The following SOAT1 variants were observed in gnomAD, a reference collection of about 807,000 sequenced individuals.
SOAT1 encodes the protein sterol O-acyltransferase 1.
Under a neutral mutation model 69.5 loss-of-function variants are expected in SOAT1, and 55 were observed. The observed-to-expected ratio is 0.79, with a 90% CI of 0.64 to 0.99. SOAT1 has a LOEUF of 0.99. Ranked by LOEUF, SOAT1 falls within the 50% of genes least tolerant of loss-of-function variation. SOAT1 has a pLI of 0.00. For synonymous variants in SOAT1, 231 were observed against 224.7 expected (o/e 1.03, Z -0.25); for missense variants, 580 against 669.3 (o/e 0.87, Z 1.47).
chr1:179,320,250 T>G (rs1665548341), intron 2 of SOAT1, among the ~76,000 whole-genome samples: 1 of 152,178 alleles, frequency 6.6e-6, no homozygotes, highest in South Asian at 2.1e-4. Context: ...CTTTTTCATG[T>G]GGCTATTCAG....
chr1:179,343,070 C>A, intron 9 of SOAT1, 127 bp downstream of exon 9: 1 of 709,506 alleles, frequency 1.4e-6, no homozygotes. Context: ...CATTTTCTGT[C>A]TGACCTGAGA....
rs141325195 is a variant in SOAT1, at chr1:179,342,731, T to C, written c.860-131T>C. 38 of 632,498 alleles carry C rather than the reference T, an allele frequency of 6.0e-5. No individual in the cohort carries two copies. In the East Asian group the frequency reaches 9.9e-4, roughly 17 times the overall value. 39.2% of individuals were successfully genotyped at this position (632,498 alleles called of 1,614,324 possible). A position where few individuals can be genotyped will look rare whatever the true frequency, so the allele number is the denominator to read the frequency against. On this transcript the variant is annotated intron_variant, in intron 8 of 15. Coordinates refer to ENST00000367619, the MANE Select transcript of SOAT1 (RefSeq NM_003101.6). ...CAAGAATAAGAAGTCATTCCGGAGA[T>C]CAGGAAAAAAGAACATGAGCTGATA...
At chr1:179,306,079 C>T (rs1445874582) in intron 2 of SOAT1, among the ~76,000 whole-genome samples, 1 of 152,106 alleles carries the variant, frequency 6.6e-6, no homozygotes, top group African/African-American at 2.4e-5. Flanking sequence ...CTTTTTAAGA[C>T]AGTATAGTGT....
At chr1:179,309,324 C>T (rs377738671) in intron 2 of SOAT1, among the ~76,000 whole-genome samples, 32 of 152,230 alleles carry the variant, frequency 2.1e-4, no homozygotes, top group African/African-American at 6.7e-4. Context: ...CCTAGTGCGC[C>T]GCCTGCCTCA....
Position 179,355,284 on chromosome 1 carries a change from T to C in SOAT1, c.*1643T>C, listed in dbSNP as rs775670227. On this transcript the variant is annotated 3_prime_UTR_variant, in exon 16 of 16. Transcript: ENST00000367619. ...TATGGCTTGTAATTCTTGACATTTT[T>C]CTTAAAATTAAAACGAATTTTTATT... 2.0e-5 allele frequency: 3 copies of C among 152,238 alleles called. No individual in the cohort carries two copies. The highest frequency in any genetic ancestry group is 4.4e-5 in the Non-Finnish European group (3 of 68,050). 9.4% of individuals were successfully genotyped at this position (152,238 alleles called of 1,614,324 possible).
chr1:179,338,751 T>TA (rs1400916468), intron 5 of SOAT1, among the ~76,000 whole-genome samples: 1 of 152,128 alleles, frequency 6.6e-6, no homozygotes, highest in Non-Finnish European at 1.5e-5. Flanking sequence ...AATTACATAT[T>TA]AAAAAAATTT....
chr1:179,345,671 C>T (rs1558057686), intron 11 of SOAT1, among the ~76,000 whole-genome samples: 1 of 151,892 alleles, frequency 6.6e-6, no homozygotes, highest in African/African-American at 2.4e-5. Context: ...GTGATCCTCT[C>T]GCCTCAGTAG....
chr1:179,297,453 G>A (rs546286928), intron 1 of SOAT1, among the ~76,000 whole-genome samples: 7 of 151,666 alleles, frequency 4.6e-5, no homozygotes, highest in South Asian at 2.1e-4. Context: ...TCTCTGCTTC[G>A]GCCTCCCGAG....
In SOAT1 at chr1:179,356,811, C is replaced by G. The variant is rs545783255; in HGVS notation, c.*3170C>G. 1 of 151,328 alleles carries G rather than the reference C, an allele frequency of 6.6e-6. No individual in the cohort carries two copies. The highest frequency in any genetic ancestry group is 2.1e-4 in the South Asian group (1 of 4,792). 9.4% of individuals were successfully genotyped at this position (151,328 alleles called of 1,614,324 possible). ...GGACTCAAATAGTGCTCTGGAGTAC[C>G]TAGAACTACAAGTGCCTACCACCAC... On this transcript the variant is annotated 3_prime_UTR_variant, in exon 16 of 16. Transcript: ENST00000367619.
At position 179,341,039 on chromosome 1, in the gene SOAT1, A is replaced by T. The variant is rs762917640; in HGVS notation, c.509A>T (p.Glu170Val). The T allele has an allele frequency of 6.2e-7, 1 of 1,613,824 alleles. No homozygotes were observed. Among genetic ancestry groups the T allele is most frequent in the South Asian group, 1.1e-5 (1 of 91,060 alleles). Residue 170 changes from glutamate (E) to valine (V), a missense_variant, in exon 7 of 16, where the codon GAG becomes GTG. Coordinates refer to ENST00000367619, the MANE Select transcript of SOAT1 (RefSeq NM_003101.6). ...CCTTTTCTCCCCAGGCTGGTGCTTG[A>T]GTTCAGCCTCCTGTCTTATGCTTTT... ...DYIDEGRLVL[E>V]FSLLSYAFGK...
At chr1:179,348,721 T>C (rs966760295) in intron 12 of SOAT1, 123 bp from the exon 13 acceptor site, 2 of 648,046 alleles carry the variant, frequency 3.1e-6, no homozygotes, top group Non-Finnish European at 5.5e-6. Context: ...CTGTTACATA[T>C]GTTCTTTGGG....
At chr1:179,352,938 A>G (rs922654103) in intron 15 of SOAT1, among the ~76,000 whole-genome samples, 3 of 151,388 alleles carry the variant, frequency 2.0e-5, no homozygotes, top group Admixed American at 6.6e-5. Flanking sequence ...TGGATGCCAC[A>G]TCTTCCATGA....
At chr1:179,317,838 G>C (rs888594575) in intron 2 of SOAT1, among the ~76,000 whole-genome samples, 1 of 151,882 alleles carries the variant, frequency 6.6e-6, no homozygotes, top group Admixed American at 6.6e-5. Context: ...AAGATATTTA[G>C]TATCTCATTA....
At chr1:179,311,720 T>C (rs1395640166) in intron 2 of SOAT1, among the ~76,000 whole-genome samples, 1 of 152,210 alleles carries the variant, frequency 6.6e-6, no homozygotes, top group Non-Finnish European at 1.5e-5. Context: ...CAATTACTTA[T>C]TTTTAAAAAA....
chr1:179,296,903 A>G (rs1664668296), intron 1 of SOAT1, among the ~76,000 whole-genome samples: 1 of 152,172 alleles, frequency 6.6e-6, no homozygotes, highest in South Asian at 2.1e-4. Flanking sequence ...GATAAGTTAG[A>G]TGCTTATCAC....
At chr1:179,321,574 G>A (rs1489446249) in intron 2 of SOAT1, among the ~76,000 whole-genome samples, 1 of 152,132 alleles carries the variant, frequency 6.6e-6, no homozygotes, top group Non-Finnish European at 1.5e-5. Context: ...TCTTTGTTGT[G>A]GAACTATCCT....
At chr1:179,337,413 A>G (rs930032171) in intron 4 of SOAT1, among the ~76,000 whole-genome samples, 2 of 152,178 alleles carry the variant, frequency 1.3e-5, no homozygotes, top group African/African-American at 4.8e-5. Flanking sequence ...GTAACAGTAT[A>G]TATGACCTGG....
chr1:179,300,016 C>T lies in SOAT1; in HGVS notation c.-8-2661C>T, dbSNP rs958238478. Among the ~76,000 whole-genome samples, 19 of 151,808 alleles carry T rather than the reference C, an allele frequency of 1.3e-4. No homozygotes were observed. In the East Asian group the frequency reaches 3.7e-3, roughly 29 times the overall value. ...GACTTCATGATCTGCCCACCTCAGC[C>T]TCCCAAAGTGCTGGGATTACAGGCA... On this transcript the variant is annotated intron_variant, in intron 1 of 15. Transcript: ENST00000367619.
chr1:179,348,197 G>A (rs1050233663), intron 12 of SOAT1, among the ~76,000 whole-genome samples: 2 of 152,186 alleles, frequency 1.3e-5, no homozygotes, highest in Non-Finnish European at 1.5e-5. Context: ...ATTAGAGTCA[G>A]AATGGCTCAT....
Sources: gnomAD v4.1 joint callset for allele counts (sites outside exome capture counted in the v4.1 genomes callset) on GRCh38, gnomAD v4.1.1 for gene constraint, MANE v1.5 for transcripts, NCBI Gene and HGNC (gene_info 2026-07-23, HGNC 2026-07-21) for gene names.